The following ETFB variants were observed in gnomAD, a reference collection of about 807,000 sequenced individuals.
ETFB encodes electron transfer flavoprotein subunit beta, also known as beta-ETF.
A neutral mutation model predicts 25.6 loss-of-function variants in ETFB; 20 were observed. That is an observed-to-expected ratio of 0.78 (90% CI 0.55 to 1.14). ETFB has a LOEUF of 1.14. Ranked by LOEUF, ETFB falls within the 50% of genes most tolerant of loss-of-function variation. The probability of loss-of-function intolerance (pLI) is 0.00; values close to 1 mark genes in which losing one functional copy is unlikely to be tolerated. For synonymous variants in ETFB, 142 were observed against 146.7 expected, an observed-to-expected ratio of 0.97 and a Z score of 0.23; for missense variants, 286 against 342.6, an observed-to-expected ratio of 0.83 and a Z score of 1.30.
chr19:51,346,965 G>C lies in ETFB; in HGVS notation c.532C>G (p.Pro178Ala). ...GGLETLRLKL[P>A]AVVTADLRLN... ...CTCAGGTCAGCTGTCACCACAGCTG[G>C]CAGCTTCAGGCGCAGGGTCTCCAGG... is the stretch of plus-strand genomic sequence containing the variant. The change falls in exon 5 of 6, where the codon CCA becomes GCA. Residue 178 changes from proline (P) to alanine (A), a missense_variant. Coordinates refer to ENST00000309244, the MANE Select transcript of ETFB (RefSeq NM_001985.3). 1 of 1,603,448 alleles carries C rather than the reference G, an allele frequency of 6.2e-7. No homozygotes were observed. Among genetic ancestry groups the C allele is most frequent in the South Asian group, 1.1e-5 (1 of 89,140 alleles).
chr19:51,346,487 T>A, intron 5 of ETFB: 1 of 196,304 alleles, frequency 5.1e-6, no homozygotes, highest in Non-Finnish European at 1.1e-5. Flanking sequence ...ACTCTACCTG[T>A]TAGCCAAGAG....
chr19:51,359,999 G>A (rs1164155458), intron 1 of ETFB, among the ~76,000 whole-genome samples: 1 of 151,010 alleles, frequency 6.6e-6, no homozygotes, highest in Non-Finnish European at 1.5e-5. Context: ...GGGTGACAGA[G>A]CTAGACCTTG....
At chr19:51,349,540 T>C (rs1276176770) in intron 4 of ETFB, among the ~76,000 whole-genome samples, 1 of 150,576 alleles carries the variant, frequency 6.6e-6, no homozygotes, top group East Asian at 2.0e-4. Context: ...CTTGACCTCC[T>C]GAACTCAAGG....
rs1985903483 is a variant in ETFB at position 51,350,361 on chromosome 19, G to A, written c.406C>T (p.Gln136Ter). ...CAGTCAAGAAATCCAGCTGTCATCT[G>A]CCCTGTCTGGTTACAGTCATCATCG... ...AIDDDCNQTG[Q>*]MTAGFLDWPQ... The change falls in exon 4 of 6, where the codon CAG becomes TAG. Residue 136 changes from glutamine (Q) to a stop codon, truncating the protein, a stop_gained. Transcript: ENST00000309244. LOFTEE classifies it high-confidence loss of function. 10 of 1,605,818 alleles carry A rather than the reference G, an allele frequency of 6.2e-6. No homozygotes were observed. Among genetic ancestry groups the A allele is most frequent in the Non-Finnish European group, 8.5e-6 (10 of 1,174,118 alleles).
intron 3 of ETFB, among the ~76,000 whole-genome samples, chr19:51,352,744 C>T (rs1009967770): frequency 2.4e-4 from 36 of 152,172 alleles, no homozygotes; most frequent in African/African-American, 8.4e-4. Context: ...TCTCATGCCT[C>T]AGCCTCCCAA....
intron 3 of ETFB, 91 bp from the exon 4 acceptor site, chr19:51,350,482 T>C (rs1985908246): frequency 1.4e-6 from 1 of 733,874 alleles, no homozygotes; most frequent in Admixed American, 2.0e-5. Context: ...GGCAAACTTT[T>C]TCTTTCTTTT....
chr19:51,365,804 C>T (rs903804540), intron 1 of ETFB, among the ~76,000 whole-genome samples: 1 of 152,210 alleles, frequency 6.6e-6, no homozygotes, highest in Non-Finnish European at 1.5e-5. Flanking sequence ...CTTCTGGGGC[C>T]CCACAGGACC....
chr19:51,346,814 T>A, intron 5 of ETFB, 86 bp downstream of exon 5: 1 of 1,350,912 alleles, frequency 7.4e-7, no homozygotes, highest in Non-Finnish European at 1.0e-6. Flanking sequence ...GATCCTTCCC[T>A]CCCCACGTGC....
At chr19:51,346,807 C>G in intron 5 of ETFB, 93 bp downstream of exon 5, 1 of 1,298,086 alleles carries the variant, frequency 7.7e-7, no homozygotes, top group Non-Finnish European at 1.1e-6. Flanking sequence ...TCCTTTGGAT[C>G]CTTCCCTCCC....
At chr19:51,366,149 T>G in intron 1 of ETFB, 121 bp downstream of exon 1, 1 of 988,460 alleles carries the variant, frequency 1.0e-6, no homozygotes, top group Non-Finnish European at 1.6e-6. Context: ...GACTTTGACG[T>G]TTGGGGGTTA....
chr19:51,348,718 A>G (rs990156142), intron 4 of ETFB, among the ~76,000 whole-genome samples: 4 of 151,952 alleles, frequency 2.6e-5, no homozygotes, highest in African/African-American at 7.3e-5. Context: ...AAACAAACAA[A>G]CAAAAAAACA....
At chr19:51,360,380 T>A (rs1986190431) in intron 1 of ETFB, among the ~76,000 whole-genome samples, 1 of 148,920 alleles carries the variant, frequency 6.7e-6, no homozygotes. Flanking sequence ...CCAGCCTGGG[T>A]GACAGACCAG....
intron 4 of ETFB, among the ~76,000 whole-genome samples, chr19:51,348,889 C>A (rs12460986): frequency 0.19 from 29,399 of 152,086 alleles, 3,614 homozygotes; most frequent in South Asian, 0.4. Context: ...ATATAAAATA[C>A]ATGCTGAATT....
At chr19:51,358,897 G>A (rs1412153206) in intron 1 of ETFB, among the ~76,000 whole-genome samples, 2 of 151,878 alleles carry the variant, frequency 1.3e-5, no homozygotes, top group African/African-American at 4.8e-5. Flanking sequence ...TACTCAGGAG[G>A]CTGAGGCGGG....
At position 51,359,144 on chromosome 19, in the gene ETFB, C is replaced by T. The variant is rs559560050; in HGVS notation, c.58-4836G>A. Reference sequence around the variant, plus strand: ...TTGCCTTACTGCAACCTCCACCTCCCGGGCTCAGGTGATCCTCCCACTTCA... The same window carrying T: ...TTGCCTTACTGCAACCTCCACCTCCTGGGCTCAGGTGATCCTCCCACTTCA... On this transcript the variant is annotated intron_variant, in intron 1 of 5. Coordinates refer to ENST00000309244, the MANE Select transcript of ETFB (RefSeq NM_001985.3). 8.6e-5 allele frequency among the ~76,000 whole-genome samples: 13 copies of T among 151,422 alleles called. 1 individual carries two copies. Among genetic ancestry groups the T allele is most frequent in the Middle Eastern group, 3.4e-3 (1 of 294 alleles).
At chr19:51,364,566 T>G (rs1986306774) in intron 1 of ETFB, among the ~76,000 whole-genome samples, 1 of 152,052 alleles carries the variant, frequency 6.6e-6, no homozygotes, top group Admixed American at 6.6e-5. Flanking sequence ...ATCCCAGACA[T>G]GCCAGGCGTG....
chr19:51,345,173 T>C lies in ETFB; in HGVS notation c.*38A>G, dbSNP rs1338024247. 1 of 1,601,108 alleles carries C rather than the reference T, an allele frequency of 6.2e-7. No homozygotes were observed. The highest frequency in any genetic ancestry group is 8.6e-7 in the Non-Finnish European group (1 of 1,168,240). Reference sequence around the variant, plus strand: ...TAGGAAATAAGTTAACAGAGATAGATGTTGAGAGTCAGTTTTATTGCCATC... The same window carrying C: ...TAGGAAATAAGTTAACAGAGATAGACGTTGAGAGTCAGTTTTATTGCCATC... On this transcript the variant is annotated 3_prime_UTR_variant, in exon 6 of 6. Transcript: ENST00000309244.
Position 51,366,234 on chromosome 19 carries a change from G to A in ETFB, c.57+36C>T, listed in dbSNP as rs186691166. On this transcript the variant is annotated intron_variant, in intron 1 of 5. Transcript: ENST00000309244. ...CGTGGCCCCGGAAGCACACGGCTGCGGGACTCAGGGATGTGGGAGAGGGGG... is the reference window on the plus strand; with the variant it reads ...CGTGGCCCCGGAAGCACACGGCTGCAGGACTCAGGGATGTGGGAGAGGGGG... The A allele has an allele frequency of 3.6e-4, 579 of 1,605,424 alleles. 5 individuals carry two copies. In the African/African-American group the frequency reaches 6.6e-3, roughly 18 times the overall value.
At chr19:51,363,032 GAA>G (rs1489436941) in intron 1 of ETFB, among the ~76,000 whole-genome samples, 1 of 152,202 alleles carries the variant, frequency 6.6e-6, no homozygotes, top group Non-Finnish European at 1.5e-5. Context: ...TTGGCTCCTT[GAA>G]CTTTCATCTC....
Sources: gnomAD v4.1 joint callset for allele counts (sites outside exome capture counted in the v4.1 genomes callset) on GRCh38, gnomAD v4.1.1 for gene constraint, MANE v1.5 for transcripts, NCBI Gene and HGNC (gene_info 2026-07-23, HGNC 2026-07-21) for gene names.